Variants in CCDC149 observed in about 807,000 individuals in gnomAD.
CCDC149 encodes coiled-coil domain containing 149.
Under a neutral mutation model 59.9 loss-of-function variants are expected in CCDC149, and 45 were observed. The observed-to-expected ratio is 0.75, with a 90% CI of 0.59 to 0.96. The LOEUF (loss-of-function observed/expected upper bound fraction) is 0.96, where lower values mean the gene tolerates loss of function less well. Ranked by LOEUF, CCDC149 falls within the 40% of genes least tolerant of loss-of-function variation. The probability of loss-of-function intolerance (pLI) is 0.00; values close to 1 mark genes in which losing one functional copy is unlikely to be tolerated. For missense variants in CCDC149, 584 were observed against 664.7 expected (o/e 0.88, Z 1.33); for synonymous variants, 245 against 260.6 (o/e 0.94, Z 0.58).
intron 1 of CCDC149, among the ~76,000 whole-genome samples, chr4:24,938,892 C>A (rs893364616): frequency 2.0e-5 from 3 of 152,216 alleles, no homozygotes; most frequent in Admixed American, 6.5e-5. Flanking sequence ...AACAAAGCGG[C>A]CGGGAAGCTT....
At chr4:24,901,253 A>G (rs993375132) in intron 1 of CCDC149, among the ~76,000 whole-genome samples, 9 of 152,210 alleles carry the variant, frequency 5.9e-5, no homozygotes, top group African/African-American at 1.7e-4. Flanking sequence ...CCACTTTGCC[A>G]GATGGGCCAG....
intron 1 of CCDC149, among the ~76,000 whole-genome samples, chr4:24,892,417 T>TCAC (rs1397384221): frequency 6.6e-6 from 1 of 152,148 alleles, no homozygotes; most frequent in Non-Finnish European, 1.5e-5. Context: ...CTTATATTCA[T>TCAC]CATCATCATC....
intron 6 of CCDC149, 40 bp from the exon 7 acceptor site, chr4:24,836,548 TAAATA>T (rs755348977): frequency 5.1e-6 from 7 of 1,373,998 alleles, no homozygotes; most frequent in Middle Eastern, 2.2e-4. Flanking sequence ...GTTTAAGGGC[TAAATA>T]AAAAACACAC....
At chr4:24,971,208 A>C (rs931849858) in intron 1 of CCDC149, among the ~76,000 whole-genome samples, 1 of 152,230 alleles carries the variant, frequency 6.6e-6, no homozygotes, top group Non-Finnish European at 1.5e-5. Flanking sequence ...GCTCTGGCCT[A>C]TGCTGGGTCC....
At chr4:24,808,902 C>A (rs555529096) in intron 12 of CCDC149, 83 bp from the exon 13 acceptor site, 95 of 1,284,612 alleles carry the variant, frequency 7.4e-5, no homozygotes, top group Non-Finnish European at 9.4e-5. Context: ...TCCTGCCCAG[C>A]CTACCAGCAC....
At chr4:24,906,370 A>ATTT (rs1489184093) in intron 1 of CCDC149, among the ~76,000 whole-genome samples, 9 of 40,886 alleles carry the variant, frequency 2.2e-4, no homozygotes, top group African/African-American at 5.6e-4. Flanking sequence ...AACAAATTTT[A>ATTT]TTTTATTTTA....
upstream of CCDC149, among the ~76,000 whole-genome samples, chr4:24,914,340 A>G (rs1220903979): frequency 6.7e-6 from 1 of 148,446 alleles, no homozygotes; most frequent in African/African-American, 2.5e-5. Flanking sequence ...GTGCTCAGTC[A>G]TGTAACTTGC....
intron 1 of CCDC149, among the ~76,000 whole-genome samples, chr4:24,962,958 T>C (rs1436741130): frequency 6.6e-6 from 1 of 150,398 alleles, no homozygotes; most frequent in African/African-American, 2.4e-5. Flanking sequence ...AATTTATCAG[T>C]TGTATACCTA....
At chr4:24,806,049 G>A (rs530765824), downstream of CCDC149, 6 of 152,324 alleles carry the variant, frequency 3.9e-5, no homozygotes, top group East Asian at 9.6e-4. Flanking sequence ...GGGTTATCTA[G>A]TGAAGTAGGG....
At chr4:24,976,584 A>G (rs1289433103) in intron 1 of CCDC149, among the ~76,000 whole-genome samples, 2 of 152,064 alleles carry the variant, frequency 1.3e-5, no homozygotes, top group Non-Finnish European at 2.9e-5. Context: ...ATGGTGGTGC[A>G]TGCCTGTAGT....
chr4:24,922,058 T>A (rs1440099486), intron 1 of CCDC149, among the ~76,000 whole-genome samples: 1 of 152,212 alleles, frequency 6.6e-6, no homozygotes, highest in Non-Finnish European at 1.5e-5. Context: ...TCTCTTCACA[T>A]CATCTTTCCT....
chr4:24,844,835 A>G (rs1489096978), intron 4 of CCDC149, among the ~76,000 whole-genome samples: 1 of 152,190 alleles, frequency 6.6e-6, no homozygotes, highest in African/African-American at 2.4e-5. Flanking sequence ...CCTGGGCCCA[A>G]AGCTTTTGGC....
intron 2 of CCDC149, 42 bp downstream of exon 2, chr4:24,876,494 A>T (rs761327741): frequency 1.3e-6 from 2 of 1,549,346 alleles, no homozygotes. Flanking sequence ...ATCTTAATTC[A>T]GGGAACAGGA....
intron 1 of CCDC149, among the ~76,000 whole-genome samples, chr4:24,973,042 ACTC>A (rs1487461484): frequency 1.3e-5 from 2 of 151,992 alleles, no homozygotes; most frequent in Admixed American, 6.6e-5. Flanking sequence ...TGACCTAGAC[ACTC>A]TTCTATTGAT....
intron 2 of CCDC149, among the ~76,000 whole-genome samples, chr4:24,876,280 T>C (rs1577438999): frequency 7.1e-6 from 1 of 141,632 alleles, no homozygotes; most frequent in African/African-American, 2.8e-5. Flanking sequence ...AAGAAGCATA[T>C]ACATACACAC....
At chr4:24,822,698 T>C (rs1406647558) in intron 9 of CCDC149, 125 bp from the exon 10 acceptor site, 21 of 588,402 alleles carry the variant, frequency 3.6e-5, no homozygotes. Context: ...AAATGGAGTA[T>C]TTGTATGTAT....
chr4:24,924,722 C>T (rs1424397216), intron 1 of CCDC149, among the ~76,000 whole-genome samples: 1 of 152,148 alleles, frequency 6.6e-6, no homozygotes, highest in Non-Finnish European at 1.5e-5. Context: ...AACTATACTG[C>T]CTTTCATCAT....
chr4:24,912,761 G>T, intron 1 of CCDC149, 56 bp downstream of exon 1: 1 of 1,168,170 alleles, frequency 8.6e-7, no homozygotes, highest in Non-Finnish European at 1.1e-6. Flanking sequence ...GCGCGGGCCC[G>T]GGGCTGGCGG....
Position 24,822,486 on chromosome 4 carries a change from G to A in CCDC149, c.1042+11C>T, listed in dbSNP as rs1424745186. On this transcript the variant is annotated intron_variant, in intron 10 of 12. Transcript: ENST00000635206. The stretch of plus-strand genomic sequence containing the variant: ...AAAAAAGGAAAATTGTTTTCATGAG[G>A]TTCTGTTTACCTGGAAGACTCCACA... The A allele has an allele frequency of 6.8e-7, 1 of 1,476,180 alleles. No homozygotes were observed. Among genetic ancestry groups the A allele is most frequent in the East Asian group, 2.6e-5 (1 of 38,428 alleles). 91.4% of individuals were successfully genotyped at this position (1,476,180 alleles called of 1,614,324 possible). A position where few individuals can be genotyped will look rare whatever the true frequency, so the allele number is the denominator to read the frequency against.
Sources: allele counts gnomAD v4.1 joint callset (sites outside exome capture counted in the v4.1 genomes callset), GRCh38; gene constraint gnomAD v4.1.1; transcripts MANE v1.5; gene names NCBI Gene and HGNC (gene_info 2026-07-23, HGNC 2026-07-21).